The following SLCO3A1 variants were observed in gnomAD, a reference collection of about 807,000 sequenced individuals.
SLCO3A1 encodes PGE1 transporter.
Under a neutral mutation model 63.1 loss-of-function variants are expected in SLCO3A1, and 27 were observed. That is an observed-to-expected ratio of 0.43 (90% CI 0.32 to 0.59). The LOEUF (loss-of-function observed/expected upper bound fraction) is 0.59. Among genes scored for constraint, SLCO3A1 ranks in the 20% least tolerant of loss-of-function variants. SLCO3A1 has a pLI of 0.09. For synonymous variants in SLCO3A1, 473 were observed against 409.9 expected (o/e 1.15, Z -1.86); for missense variants, 773 against 945.8 (o/e 0.82, Z 2.40).
intron 2 of SLCO3A1, among the ~76,000 whole-genome samples, chr15:92,029,608 C>A (rs1369296027): frequency 6.6e-6 from 1 of 151,862 alleles, no homozygotes; most frequent in Non-Finnish European, 1.5e-5. Context: ...AAATAAGAAT[C>A]ATTTTCCTAC....
intron 2 of SLCO3A1, among the ~76,000 whole-genome samples, chr15:92,053,681 T>G (rs28668827): frequency 0.74 from 105,390 of 142,912 alleles, 39,133 homozygotes; most frequent in Admixed American, 0.86. Flanking sequence ...GTTTTGTTTT[T>G]TTGTTTGTTT....
At chr15:91,918,829 A>G (rs1898746206) in intron 2 of SLCO3A1, among the ~76,000 whole-genome samples, 1 of 152,254 alleles carries the variant, frequency 6.6e-6, no homozygotes, top group Non-Finnish European at 1.5e-5. Flanking sequence ...CAAGGGACTG[A>G]TGCTGGGACT....
chr15:92,127,695 T>C (rs1203580937), intron 6 of SLCO3A1, among the ~76,000 whole-genome samples: 3 of 152,184 alleles, frequency 2.0e-5, no homozygotes, highest in African/African-American at 7.2e-5. Context: ...GTTTGCTTGC[T>C]CTAGATAACT....
At chr15:91,915,178 G>GT (rs1898612761) in intron 1 of SLCO3A1, among the ~76,000 whole-genome samples, 1 of 152,080 alleles carries the variant, frequency 6.6e-6, no homozygotes. Flanking sequence ...TTAGGTACAT[G>GT]TTTACCTTCT....
intron 2 of SLCO3A1, among the ~76,000 whole-genome samples, chr15:92,071,853 C>A (rs1006972927): frequency 3.9e-5 from 6 of 152,226 alleles, no homozygotes; most frequent in African/African-American, 9.6e-5. Flanking sequence ...GCAGACCACA[C>A]TGGATGTGTC....
At chr15:92,010,652 ACT>A (rs1248369997) in intron 2 of SLCO3A1, among the ~76,000 whole-genome samples, 1 of 151,924 alleles carries the variant, frequency 6.6e-6, no homozygotes, top group Non-Finnish European at 1.5e-5. Context: ...TTCTCCTGTA[ACT>A]CTGTTGTTGA....
chr15:92,148,359 C>G (rs551196376), intron 8 of SLCO3A1, among the ~76,000 whole-genome samples: 2 of 152,230 alleles, frequency 1.3e-5, no homozygotes, highest in South Asian at 2.1e-4. Flanking sequence ...TCCAGCTTCT[C>G]TCTCACTTTG....
intron 1 of SLCO3A1, among the ~76,000 whole-genome samples, chr15:91,858,776 A>G (rs1206482386): frequency 6.6e-6 from 1 of 152,210 alleles, no homozygotes; most frequent in African/African-American, 2.4e-5. Context: ...AGCCCCACCA[A>G]CAGGGTCTCT....
intron 2 of SLCO3A1, among the ~76,000 whole-genome samples, chr15:92,027,109 G>C (rs2046584353): frequency 1.3e-5 from 2 of 151,156 alleles, no homozygotes; most frequent in Admixed American, 1.3e-4. Context: ...AAAAAAAGGG[G>C]GGGTACATTA....
At chr15:91,928,612 C>G (rs1388453691) in intron 2 of SLCO3A1, among the ~76,000 whole-genome samples, 1 of 152,214 alleles carries the variant, frequency 6.6e-6, no homozygotes, top group African/African-American at 2.4e-5. Flanking sequence ...GTATACAGCT[C>G]TTTCTCAGTA....
chr15:92,078,769 C>T (rs144323298), intron 2 of SLCO3A1, among the ~76,000 whole-genome samples: 14 of 152,222 alleles, frequency 9.2e-5, no homozygotes, highest in South Asian at 2.1e-4. Context: ...AGTGTATCTG[C>T]GCATAGGGTT....
At chr15:91,999,180 A>G (rs577887252) in intron 2 of SLCO3A1, among the ~76,000 whole-genome samples, 2 of 152,198 alleles carry the variant, frequency 1.3e-5, no homozygotes, top group Non-Finnish European at 2.9e-5. Flanking sequence ...CTTGGGTACT[A>G]TGCTCTCCAC....
intron 1 of SLCO3A1, among the ~76,000 whole-genome samples, chr15:91,876,693 A>G (rs1385246511): frequency 6.6e-6 from 1 of 152,192 alleles, no homozygotes. Context: ...AGGCCTCTCA[A>G]CTGGAACTGT....
intron 9 of SLCO3A1, among the ~76,000 whole-genome samples, chr15:92,159,443 C>T (rs2048409962): frequency 6.6e-6 from 1 of 151,834 alleles, no homozygotes; most frequent in Non-Finnish European, 1.5e-5. Flanking sequence ...CGAGATCATG[C>T]CACTGCACTC....
downstream of SLCO3A1, chr15:92,165,941 C>T (rs767300692): frequency 2.9e-5 from 28 of 975,154 alleles, no homozygotes; most frequent in Non-Finnish European, 3.4e-5. Flanking sequence ...AACTCCTACA[C>T]CATCTCAGCT....
intron 2 of SLCO3A1, among the ~76,000 whole-genome samples, chr15:91,936,225 T>C (rs1379110770): frequency 2.0e-5 from 3 of 152,248 alleles, no homozygotes; most frequent in Non-Finnish European, 4.4e-5. Context: ...GTTATTAAAT[T>C]GAGGATTGGG....
Position 92,163,301 on chromosome 15 carries a change from G to C in SLCO3A1, c.*166G>C. On this transcript the variant is annotated 3_prime_UTR_variant, in exon 10 of 10. Transcript: ENST00000318445. ...GACTTTGTCCTTTTTCTCAGCATCAGAGCCAGACAGGATTCAGAATAAGGA... is the reference window on the plus strand; with the variant it reads ...GACTTTGTCCTTTTTCTCAGCATCACAGCCAGACAGGATTCAGAATAAGGA... The C allele has an allele frequency of 7.8e-7, 1 of 1,287,466 alleles. No individual in the cohort carries two copies. The highest frequency in any genetic ancestry group is 9.8e-7 in the Non-Finnish European group (1 of 1,021,982). The allele number at this position is 1,287,466 out of a possible 1,614,324, so 79.8% of individuals were successfully genotyped here.
chr15:91,878,123 C>G (rs1186755495), intron 1 of SLCO3A1, among the ~76,000 whole-genome samples: 4 of 120,456 alleles, frequency 3.3e-5, no homozygotes, highest in South Asian at 5.3e-4. Context: ...GAGTTTTGCT[C>G]TTGTCTCCTA....
intron 2 of SLCO3A1, among the ~76,000 whole-genome samples, chr15:92,020,637 G>A (rs565460067): frequency 5.3e-4 from 80 of 152,316 alleles, no homozygotes; most frequent in African/African-American, 1.9e-3. Flanking sequence ...AAGAGGGATG[G>A]CACCGTGCAT....
Sources: allele counts gnomAD v4.1 joint callset (sites outside exome capture counted in the v4.1 genomes callset), GRCh38; gene constraint gnomAD v4.1.1; transcripts MANE v1.5; gene names NCBI Gene and HGNC (gene_info 2026-07-23, HGNC 2026-07-21).